Variants in CIITA observed in about 807,000 individuals in gnomAD.
CIITA encodes the protein MHC class II transactivator.
Under a neutral mutation model 115.1 loss-of-function variants are expected in CIITA, and 72 were observed. That is an observed-to-expected ratio of 0.63 (90% CI 0.52 to 0.76). The LOEUF (loss-of-function observed/expected upper bound fraction) is 0.76. Among genes scored for constraint, CIITA ranks in the 30% least tolerant of loss-of-function variants. CIITA has a pLI of 0.00. For missense variants in CIITA, 1,617 were observed against 1,463.8 expected (o/e 1.10, Z -1.71); for synonymous variants, 763 against 635.6 (o/e 1.20, Z -3.02).
rs2040977721 is a variant in CIITA, at chr16:10,935,200, TGTAA to T, written c.*11350_*11353del. 6.6e-6 allele frequency: 1 copy of T among 152,266 alleles called. No individual in the cohort carries two copies. Among genetic ancestry groups the T allele is most frequent in the Non-Finnish European group, 1.5e-5 (1 of 68,048 alleles). The allele number at this position is 152,266 out of a possible 1,614,324, so 9.4% of individuals were successfully genotyped here. On this transcript the variant is annotated 3_prime_UTR_variant, in exon 20 of 20. Transcript: ENST00000324288. Reference sequence around the variant, plus strand: ...CCAAAATATGTCCAACTGCAAAGCATGTAAGTAACAATTTTAGAGGGTATACGGA... The same window carrying T: ...CCAAAATATGTCCAACTGCAAAGCATGTAACAATTTTAGAGGGTATACGGA...
intron 7 of CIITA, among the ~76,000 whole-genome samples, 155 bp downstream of exon 7, chr16:10,902,339 G>A (rs1049770848): frequency 9.2e-5 from 14 of 152,090 alleles, no homozygotes; most frequent in African/African-American, 2.9e-4. Flanking sequence ...TATCCTTGGG[G>A]CCCCCGTCAG....
intron 7 of CIITA, 92 bp from the exon 8 acceptor site, chr16:10,902,566 A>G: frequency 6.5e-7 from 1 of 1,529,680 alleles, no homozygotes; most frequent in South Asian, 1.1e-5. Flanking sequence ...AGGGCCCTTT[A>G]GGGGGGTCAG....
chr16:10,918,905 T>C (rs1596603346), intron 16 of CIITA, among the ~76,000 whole-genome samples: 2 of 152,312 alleles, frequency 1.3e-5, no homozygotes, highest in East Asian at 1.9e-4. Flanking sequence ...CCTTGTCACT[T>C]ACATGCCGGT....
At chr16:10,910,351 C>CCATT in intron 13 of CIITA, 92 bp downstream of exon 13, 1 of 1,091,140 alleles carries the variant, frequency 9.2e-7, no homozygotes, top group Non-Finnish European at 1.4e-6. Flanking sequence ...AGATAGATCT[C>CCATT]CAGAATCATT....
chr16:10,904,890 G>T, intron 10 of CIITA, 78 bp downstream of exon 10: 1 of 1,437,824 alleles, frequency 7.0e-7, no homozygotes, highest in South Asian at 1.1e-5. Context: ...TCATTCACTT[G>T]ACACTTATTC....
chr16:10,900,724 A>G (rs1402249295), intron 5 of CIITA, among the ~76,000 whole-genome samples: 2 of 151,460 alleles, frequency 1.3e-5, no homozygotes, highest in African/African-American at 2.4e-5. Flanking sequence ...TGGGCAACAG[A>G]GCTAGACTCT....
chr16:10,923,353 A>G lies in CIITA; in HGVS notation c.*22+28A>G. The G allele has an allele frequency of 6.7e-7, 1 of 1,497,124 alleles. No homozygotes were observed. Among genetic ancestry groups the G allele is most frequent in the Non-Finnish European group, 9.3e-7 (1 of 1,075,038 alleles). 92.7% of individuals were successfully genotyped at this position (1,497,124 alleles called of 1,614,324 possible). A position where few individuals can be genotyped will look rare whatever the true frequency, so the allele number is the denominator to read the frequency against. ...AACCAGGGTGGGCTTGGGAGGGGAG[A>G]GCCGCAGTGGGTTGGGGGCAGTGTC... On this transcript the variant is annotated intron_variant, in intron 19 of 19. Transcript: ENST00000324288. The surrounding 1 kb of genome is among the most constrained non-coding windows in gnomAD (Gnocchi z 5.2).
At chr16:10,903,146 C>G (rs1438334189) in intron 8 of CIITA, among the ~76,000 whole-genome samples, 1 of 152,180 alleles carries the variant, frequency 6.6e-6, no homozygotes, top group Non-Finnish European at 1.5e-5. Flanking sequence ...GTGATGTTTA[C>G]AAGAATTCAC....
chr16:10,907,741 G>C lies in CIITA; in HGVS notation c.2249G>C (p.Trp750Ser). The change falls in exon 11 of 20, where the codon TGG (tryptophan) becomes TCG (serine). Residue 750 changes from tryptophan (W) to serine (S), a missense_variant. Transcript: ENST00000324288. The surrounding 1 kb of genome is among the most constrained non-coding windows in gnomAD (Gnocchi z 5.0). The part of the protein sequence containing the change: ...TPRKKRPYDN[W>S]LEGVPRFLAG... ...AGGAAGAAGAGGCCCTATGACAACT[G>C]GCTGGAGGGCGTGCCACGCTTTCTG... 1 of 1,614,240 alleles carries C rather than the reference G, an allele frequency of 6.2e-7. No homozygotes were observed. The highest frequency in any genetic ancestry group is 8.5e-7 in the Non-Finnish European group (1 of 1,180,034).
At chr16:10,876,926 G>C (rs547702696), upstream of CIITA, among the ~76,000 whole-genome samples, 2 of 152,302 alleles carry the variant, frequency 1.3e-5, no homozygotes, top group South Asian at 2.1e-4. Context: ...CGGTTCCATT[G>C]TGATCATCAT....
chr16:10,894,507 G>A (rs1206917779), intron 1 of CIITA, among the ~76,000 whole-genome samples: 1 of 151,930 alleles, frequency 6.6e-6, no homozygotes, highest in Non-Finnish European at 1.5e-5. Flanking sequence ...ATATTTATGG[G>A]GTATATGTGA....
At chr16:10,922,118 G>T in intron 16 of CIITA, 49 bp from the exon 17 acceptor site, 1 of 1,539,526 alleles carries the variant, frequency 6.5e-7, no homozygotes, top group South Asian at 1.1e-5. Flanking sequence ...CTGGAAGGCT[G>T]ACCATGCACA....
rs985953882 is a variant in CIITA at position 10,879,977 on chromosome 16, G to A, written c.52+2595G>A. ...CCGCAGCCTGGAGTGTCTAACTTTG[G>A]CAGGAAGTCTTCCGTTTCTGCTCCC... On this transcript the variant is annotated intron_variant, in intron 1 of 19. Coordinates refer to ENST00000324288, the MANE Select transcript of CIITA (RefSeq NM_000246.4). This position sits in a 1 kb window ranked among gnomAD's most constrained non-coding sequence, Gnocchi z 4.3. Among the ~76,000 whole-genome samples, 29 of 152,178 alleles carry A rather than the reference G, an allele frequency of 1.9e-4. No individual in the cohort carries two copies. Among genetic ancestry groups the A allele is most frequent in the African/African-American group, 6.5e-4 (27 of 41,446 alleles).
At position 10,926,095 on chromosome 16, in the gene CIITA, G is replaced by A. The variant is rs2040520714; in HGVS notation, c.*2240G>A. ...GGTGGCAGTGGGAGCTGCCTGTTCA[G>A]CTCCAGCTCACCAGCCCCAGTGCCC... On this transcript the variant is annotated 3_prime_UTR_variant, in exon 20 of 20. Coordinates refer to ENST00000324288, the MANE Select transcript of CIITA (RefSeq NM_000246.4). 1 of 152,272 alleles carries A rather than the reference G, an allele frequency of 6.6e-6. No homozygotes were observed. The highest frequency in any genetic ancestry group is 6.5e-5 in the Admixed American group (1 of 15,288). The allele number at this position is 152,272 out of a possible 1,614,324, so 9.4% of individuals were successfully genotyped here.
Position 10,902,785 on chromosome 16 carries a change from T to A in CIITA, c.756T>A (p.Ser252Arg). 1 of 1,614,198 alleles carries A rather than the reference T, an allele frequency of 6.2e-7. No homozygotes were observed. The highest frequency in any genetic ancestry group is 8.5e-7 in the Non-Finnish European group (1 of 1,180,036). The change falls in exon 8 of 20, where the codon AGT becomes AGA. Residue 252 changes from serine to arginine, a missense_variant. Transcript: ENST00000324288. ...QISEAGTGVS[S>R]IFIYHGEVPQ... ...CTGAGGCTGGAACAGGGGTCTCCAG[T>A]ATATTCATCTACCATGGTGAGTGCG...
intron 7 of CIITA, 47 bp from the exon 8 acceptor site, chr16:10,902,611 C>T (rs754021708): frequency 7.4e-6 from 12 of 1,612,714 alleles, no homozygotes; most frequent in East Asian, 2.2e-5. Flanking sequence ...GAATCGCAAA[C>T]ACAGGTGCTA....
At chr16:10,915,781 A>G (rs1049699838) in intron 14 of CIITA, 131 bp downstream of exon 14, 2 of 824,272 alleles carry the variant, frequency 2.4e-6, no homozygotes, top group East Asian at 5.2e-5. Flanking sequence ...CTGGGACCAC[A>G]GGTGCATGCT....
rs778670190 is a variant in CIITA, at chr16:10,895,434, C to A, written c.199+6C>A. 22 of 1,613,020 alleles carry A rather than the reference C, an allele frequency of 1.4e-5. No homozygotes were observed. In the South Asian group the frequency reaches 2.3e-4, roughly 17 times the overall value. On this transcript the variant is annotated splice_donor_region_variant and intron_variant, in intron 2 of 19. Coordinates refer to ENST00000324288, the MANE Select transcript of CIITA (RefSeq NM_000246.4). ...AGAGATTGAGCTCTACTCAGGTGGG[C>A]CCTCCTCCCTCTGGTCTCTTCCGGT...
intron 10 of CIITA, among the ~76,000 whole-genome samples, chr16:10,905,722 A>G (rs2039098249): frequency 6.6e-6 from 1 of 152,002 alleles, no homozygotes; most frequent in Non-Finnish European, 1.5e-5. Context: ...AGATTGCGCC[A>G]GTGCACTCCA....
Sources: allele counts gnomAD v4.1 joint callset (sites outside exome capture counted in the v4.1 genomes callset), GRCh38; gene constraint gnomAD v4.1.1; non-coding constraint Gnocchi (gnomAD v3.1); transcripts MANE v1.5; gene names NCBI Gene and HGNC (gene_info 2026-07-23, HGNC 2026-07-21).